ZBTB17: variants seen among roughly 807,000 people sequenced by gnomAD.
ZBTB17 encodes zinc finger and BTB domain containing 17.
A neutral mutation model predicts 85.1 loss-of-function variants in ZBTB17; 24 were observed. The ratio of observed to expected loss-of-function variants is 0.28; its 90% CI spans 0.20 to 0.40. ZBTB17 has a LOEUF of 0.40. ZBTB17 is among the 10% of genes least tolerant of loss of function. ZBTB17 has a pLI of 1.00. For missense variants in ZBTB17, 743 were observed against 1,105.1 expected (o/e 0.67, Z 4.65); for synonymous variants, 464 against 460.2 (o/e 1.01, Z -0.11).
At chr1:15,959,467 A>G (rs1361561012) in intron 2 of ZBTB17, among the ~76,000 whole-genome samples, 2 of 142,354 alleles carry the variant, frequency 1.4e-5, no homozygotes, top group Non-Finnish European at 3.1e-5. Flanking sequence ...GCTAAAGAAC[A>G]ATGGAGAGAA....
chr1:15,971,337 A>G (rs1204465556), intron 2 of ZBTB17, among the ~76,000 whole-genome samples: 3 of 150,272 alleles, frequency 2.0e-5, no homozygotes, highest in African/African-American at 7.3e-5. Context: ...GTGTATGTAT[A>G]TATATATATG....
At chr1:15,962,620 C>T (rs1050915974) in intron 2 of ZBTB17, among the ~76,000 whole-genome samples, 1 of 152,244 alleles carries the variant, frequency 6.6e-6, no homozygotes, top group Non-Finnish European at 1.5e-5. Flanking sequence ...ACTCTAAAAA[C>T]TGTGCCCTTT....
intron 5 of ZBTB17, 109 bp downstream of exon 5, chr1:15,946,043 CAA>C: frequency 1.9e-6 from 3 of 1,573,680 alleles, no homozygotes; most frequent in Non-Finnish European, 2.6e-6. Flanking sequence ...AACACAGGCT[CAA>C]GAGGTGCAGG....
intron 2 of ZBTB17, among the ~76,000 whole-genome samples, chr1:15,954,210 A>G (rs148035540): frequency 4.6e-4 from 70 of 152,338 alleles, no homozygotes; most frequent in Middle Eastern, 6.8e-3. Context: ...GTGCATGCCC[A>G]GAGTGCTAAG....
rs1055926542 is a variant in ZBTB17 at position 15,945,745 on chromosome 1, C to T, written c.631G>A (p.Glu211Lys). 6.2e-7 allele frequency: 1 copy of T among 1,607,144 alleles called. No homozygotes were observed. The highest frequency in any genetic ancestry group is 8.5e-7 in the Non-Finnish European group (1 of 1,179,834). ...TCCGAGCTCTCGGACAAAGCGGCCT[C>T]AGCTTCTGCAGCAGCCATGCCACTC... is the stretch of plus-strand genomic sequence containing the variant. Reference protein sequence around the residue: ...PTSGMAAAEAEAALSESSEQE... With the variant: ...PTSGMAAAEAKAALSESSEQE... Residue 211 changes from glutamate (E) to lysine (K), a missense_variant, in exon 6 of 16, where the codon GAG (glutamate) becomes AAG (lysine). Glu to Lys is a moderately conservative substitution (Grantham distance 56). Transcript: ENST00000375743.
intron 1 of ZBTB17, among the ~76,000 whole-genome samples, chr1:15,975,241 T>G (rs2072823709): frequency 6.6e-6 from 1 of 152,206 alleles, no homozygotes. Flanking sequence ...GGAGCCTCAT[T>G]TCCCCTTTAT....
chr1:15,949,369 G>A (rs1457684231), intron 2 of ZBTB17, among the ~76,000 whole-genome samples: 5 of 152,200 alleles, frequency 3.3e-5, no homozygotes, highest in Non-Finnish European at 1.5e-5. Flanking sequence ...CAGAGTGGGC[G>A]TCAACATCAG....
At position 15,971,876 on chromosome 1, in the gene ZBTB17, A is replaced by C. The variant is rs900270436; in HGVS notation, c.-3+1163T>G. Among the ~76,000 whole-genome samples the C allele has an allele frequency of 8.5e-5, 11 of 129,388 alleles. No homozygotes were observed. In the South Asian group the frequency reaches 2.9e-3, roughly 34 times the overall value. The allele number at this position is 129,388 out of a possible 152,430, so 84.9% of individuals were successfully genotyped here. A position where few individuals can be genotyped will look rare whatever the true frequency, so the allele number is the denominator to read the frequency against. On this transcript the variant is annotated intron_variant, in intron 2 of 15. Transcript: ENST00000375743. The stretch of plus-strand genomic sequence containing the variant: ...GACAATCTTGTGATTAGGAAAATTA[A>C]TAGTCATTACTTTTTTTTTTTTTAA...
chr1:15,943,728 C>T lies in ZBTB17; in HGVS notation c.1460-13G>A, dbSNP rs910740366. 1.2e-6 allele frequency: 2 copies of T among 1,612,950 alleles called. No homozygotes were observed. The highest frequency in any genetic ancestry group is 1.3e-5 in the African/African-American group (1 of 74,908). ...CGCTTCAGGTTCCCTGTGGCGAGAC[C>T]GAGGGCGAACCTGGCGTGGGGCACC... On this transcript the variant is annotated splice_polypyrimidine_tract_variant and intron_variant, in intron 10 of 15. Coordinates refer to ENST00000375743, the MANE Select transcript of ZBTB17 (RefSeq NM_003443.3).
Position 15,943,767 on chromosome 1 carries a change from G to A in ZBTB17, c.1459+41C>T, listed in dbSNP as rs756653978. 1.7e-5 allele frequency: 28 copies of A among 1,612,480 alleles called. No homozygotes were observed. The South Asian group carries it at 2.5e-4, about 15-fold the overall frequency. On this transcript the variant is annotated intron_variant, in intron 10 of 15. Transcript: ENST00000375743. ...GCGTGGGGCACCACCGGTGGCCGAG[G>A]AGCAGGGGTGTGAGGGCAGCCAGGG... is the stretch of plus-strand genomic sequence containing the variant.
intron 2 of ZBTB17, among the ~76,000 whole-genome samples, chr1:15,958,847 G>A (rs848194): frequency 0.67 from 101,700 of 152,168 alleles, 35,709 homozygotes; most frequent in African/African-American, 0.88. Flanking sequence ...CCAGCACACA[G>A]GAGGGAGGGG....
intron 11 of ZBTB17, 37 bp from the exon 12 acceptor site, chr1:15,943,556 C>T: frequency 6.2e-7 from 1 of 1,612,348 alleles, no homozygotes; most frequent in Non-Finnish European, 8.5e-7. Context: ...GCCTGCTCCT[C>T]TCCGTGCCCT....
intron 2 of ZBTB17, among the ~76,000 whole-genome samples, chr1:15,959,118 TG>T (rs750936609): frequency 6.6e-6 from 1 of 152,214 alleles, no homozygotes; most frequent in Non-Finnish European, 1.5e-5. Flanking sequence ...CCTGAACCAG[TG>T]GCCTTCCCAC....
intron 2 of ZBTB17, among the ~76,000 whole-genome samples, chr1:15,960,166 C>T (rs1172443846): frequency 1.3e-5 from 2 of 152,214 alleles, no homozygotes; most frequent in African/African-American, 4.8e-5. Flanking sequence ...CCAGTTAAAA[C>T]ACTCCTACCT....
chr1:15,959,518 AGGGAGGGAGGGAGGAAGGGAGGGAG>A (rs966473178), intron 2 of ZBTB17, among the ~76,000 whole-genome samples: 2 of 83,726 alleles, frequency 2.4e-5, no homozygotes, highest in African/African-American at 9.4e-5. Flanking sequence ...AGAGGGAGGG[AGGGAGGGAGGGAGGAAGGGAGGGAG>A]GAGAGGGAGG....
rs1320970543 is a variant in ZBTB17, at chr1:15,973,421, C to A, written c.-89-296G>T. Among the ~76,000 whole-genome samples, 1 of 152,246 alleles carries A rather than the reference C, an allele frequency of 6.6e-6. No individual in the cohort carries two copies. Among genetic ancestry groups the A allele is most frequent in the Non-Finnish European group, 1.5e-5 (1 of 68,048 alleles). On this transcript the variant is annotated intron_variant, in intron 1 of 15. Transcript: ENST00000375743. The surrounding 1 kb of genome is among the most constrained non-coding windows in gnomAD (Gnocchi z 4.1). Reference sequence around the variant, plus strand: ...CGACAAGGTTTGTATCCAAGCATTACTGCAGCATTGGCACTGCTCTGGGAT... The same window carrying A: ...CGACAAGGTTTGTATCCAAGCATTAATGCAGCATTGGCACTGCTCTGGGAT...
At chr1:15,961,101 G>A (rs779742086) in intron 2 of ZBTB17, among the ~76,000 whole-genome samples, 15 of 152,174 alleles carry the variant, frequency 9.9e-5, no homozygotes, top group Non-Finnish European at 2.2e-4. Flanking sequence ...GCAACAGAGT[G>A]AGACCCCGTC....
chr1:15,947,804 C>T lies in ZBTB17; in HGVS notation c.205+487G>A, dbSNP rs191102610. 1.3e-3 allele frequency among the ~76,000 whole-genome samples: 193 copies of T among 152,270 alleles called. 1 individual carries two copies. The highest frequency in any genetic ancestry group is 5.1e-4 in the Non-Finnish European group (35 of 68,014). ...CATCTATAAAATGGGAGAATAATAC[C>T]TTCTCATGGCATGTCACGTCAGTCT... On this transcript the variant is annotated intron_variant, in intron 3 of 15. Coordinates refer to ENST00000375743, the MANE Select transcript of ZBTB17 (RefSeq NM_003443.3).
At chr1:15,945,409 G>T (rs779340591) in intron 6 of ZBTB17, among the ~76,000 whole-genome samples, 1 of 152,232 alleles carries the variant, frequency 6.6e-6, no homozygotes, top group Non-Finnish European at 1.5e-5. Context: ...CGGCCAGCAG[G>T]CACTGGAGGG....
Sources: gnomAD v4.1 joint callset for allele counts (sites outside exome capture counted in the v4.1 genomes callset) on GRCh38, gnomAD v4.1.1 for gene constraint, Gnocchi (gnomAD v3.1) non-coding constraint, MANE v1.5 for transcripts, NCBI Gene and HGNC (gene_info 2026-07-23, HGNC 2026-07-21) for gene names.